Variants in ELP1 observed in about 807,000 individuals in gnomAD.
ELP1 encodes elongator acetyltransferase complex subunit 1, also known as elongator complex protein 1.
Under a neutral mutation model 183.2 loss-of-function variants are expected in ELP1, and 131 were observed. The ratio of observed to expected loss-of-function variants is 0.72; its 90% CI spans 0.62 to 0.83. The LOEUF (loss-of-function observed/expected upper bound fraction) is 0.83. Among genes scored for constraint, ELP1 ranks in the 40% least tolerant of loss-of-function variants. The pLI is 0.00. For synonymous variants in ELP1, 555 were observed against 569.0 expected (o/e 0.98, Z 0.35); for missense variants, 1,550 against 1,594.9 (o/e 0.97, Z 0.48).
rs577449931 is a variant in ELP1, at chr9:108,884,985, G to C, written c.3223-2798C>G. Reference sequence around the variant, plus strand: ...AATCCCAACTACTCTGGAGGCTGAGGGGGGAGGACAGCTTGAATGTAGGAG... The same window carrying C: ...AATCCCAACTACTCTGGAGGCTGAGCGGGGAGGACAGCTTGAATGTAGGAG... On this transcript the variant is annotated intron_variant, in intron 29 of 36. Transcript: ENST00000374647. 3.8e-3 allele frequency among the ~76,000 whole-genome samples: 582 copies of C among 152,174 alleles called. 5 individuals are homozygous for C. Among genetic ancestry groups the C allele is most frequent in the Non-Finnish European group, 5.9e-3 (404 of 67,984 alleles).
chr9:108,911,225 A>G (rs1354468698), intron 11 of ELP1, 45 bp from the exon 12 acceptor site: 2 of 1,572,242 alleles, frequency 1.3e-6, no homozygotes, highest in African/African-American at 2.7e-5. Context: ...GGGATATTCA[A>G]TTTGTAAGAT....
chr9:108,910,026 AT>A (rs1179193178), intron 12 of ELP1, among the ~76,000 whole-genome samples: 1 of 152,198 alleles, frequency 6.6e-6, no homozygotes, highest in African/African-American at 2.4e-5. Context: ...ATATAAAGCT[AT>A]TTTTTAAGTG....
chr9:108,882,116 G>A lies in ELP1; in HGVS notation c.3285+9C>T, dbSNP rs2275495. 0.13 allele frequency: 202,629 copies of A among 1,610,484 alleles called. 15,406 individuals are homozygous for A. The highest frequency in any genetic ancestry group is 0.33 in the African/African-American group (24,838 of 74,798). ...CACCCAACATCCAGAGGATTTACAA[G>A]ATTCTTACCAGCCTCAAAGCTTCTT... is the stretch of plus-strand genomic sequence containing the variant. On this transcript the variant is annotated intron_variant, in intron 30 of 36. Coordinates refer to ENST00000374647, the MANE Select transcript of ELP1 (RefSeq NM_003640.5).
rs1249750363 is a variant in ELP1, at chr9:108,898,595, G to A, written c.2284-14C>T. 1.9e-6 allele frequency: 3 copies of A among 1,606,064 alleles called. No individual in the cohort carries two copies. Among genetic ancestry groups the A allele is most frequent in the Non-Finnish European group, 2.6e-6 (3 of 1,173,268 alleles). On this transcript the variant is annotated splice_polypyrimidine_tract_variant and intron_variant, in intron 21 of 36. Transcript: ENST00000374647. ...TCCAAGAAACACCTACCAAAAAAAG[G>A]ACAAAACATCTTCGTTCAGATCATA...
Position 108,926,600 on chromosome 9 carries a change from T to A in ELP1, c.389A>T (p.Gln130Leu), listed in dbSNP as rs753242604. Residue 130 changes from glutamine (Q) to leucine (L), a missense_variant, in exon 5 of 37, where the codon CAA (glutamine) becomes CTA (leucine). By Grantham distance (113) the Gln-to-Leu change is moderately radical (BLOSUM62 -2). Coordinates refer to ENST00000374647, the MANE Select transcript of ELP1 (RefSeq NM_003640.5). ...DQELVLLATGQQTLIMMTKDF... is the reference protein window; with the variant it reads ...DQELVLLATGLQTLIMMTKDF... ...TTTTGTCATCATAATCAGGGTCTGT[T>A]GACCTTAGAGAAACACAAACAAAAA... The A allele has an allele frequency of 1.9e-6, 3 of 1,611,744 alleles. No individual in the cohort carries two copies. The Admixed American group carries it at 5.0e-5, about 27-fold the overall frequency.
chr9:108,900,976 G>A (rs1309221957), intron 18 of ELP1, among the ~76,000 whole-genome samples: 5 of 150,008 alleles, frequency 3.3e-5, no homozygotes, highest in Admixed American at 6.7e-5. Context: ...ACACATACAC[G>A]CCACACACAC....
At position 108,891,291 on chromosome 9, in the gene ELP1, T is replaced by C. The variant is rs758372070; in HGVS notation, c.3072A>G (p.Thr1024=). The C allele has an allele frequency of 1.5e-5, 24 of 1,614,228 alleles. No individual in the cohort carries two copies. Among genetic ancestry groups the C allele is most frequent in the African/African-American group, 2.7e-5 (2 of 75,064 alleles). The change falls in exon 28 of 37, where the codon ACA becomes ACG. Residue 1024 remains threonine, a synonymous_variant. Transcript: ENST00000374647. ...AHEKALSAFL[T]CGNWKQALCV... ...AGAGGGCTTGCTTCCAGTTGCCACATGTCAGAAAGGCTGAGAGAGCTTTCT... is the reference window on the plus strand; with the variant it reads ...AGAGGGCTTGCTTCCAGTTGCCACACGTCAGAAAGGCTGAGAGAGCTTTCT...
chr9:108,913,585 G>A lies in ELP1; in HGVS notation c.959-1091C>T, dbSNP rs1829314269. Among the ~76,000 whole-genome samples the A allele has an allele frequency of 2.0e-5, 3 of 152,076 alleles. No individual in the cohort carries two copies. The South Asian group carries it at 6.2e-4, about 31-fold the overall frequency. On this transcript the variant is annotated intron_variant, in intron 10 of 36. Coordinates refer to ENST00000374647, the MANE Select transcript of ELP1 (RefSeq NM_003640.5). ...ACAACACTTTGAAGTTAGACCACAT[G>A]CTGATGTTCTGTGAGCACAGATGTT...
At chr9:108,892,513 T>C (rs1828379523) in intron 27 of ELP1, among the ~76,000 whole-genome samples, 1 of 152,164 alleles carries the variant, frequency 6.6e-6, no homozygotes, top group Non-Finnish European at 1.5e-5. Flanking sequence ...GTCCAGCACT[T>C]TGTAGCTCTG....
chr9:108,900,601 C>A (rs1052590872), intron 18 of ELP1, among the ~76,000 whole-genome samples: 1 of 152,332 alleles, frequency 6.6e-6, no homozygotes, highest in Admixed American at 6.5e-5. Context: ...ACATACACAG[C>A]TTCTCAAATG....
intron 31 of ELP1, among the ~76,000 whole-genome samples, chr9:108,880,728 T>C (rs1344086574): frequency 6.6e-6 from 1 of 152,244 alleles, no homozygotes; most frequent in East Asian, 1.9e-4. Flanking sequence ...TCGGCATTTA[T>C]CTAAGAAAGG....
At chr9:108,911,616 A>G (rs908134297) in intron 11 of ELP1, among the ~76,000 whole-genome samples, 9 of 152,234 alleles carry the variant, frequency 5.9e-5, no homozygotes, top group African/African-American at 2.2e-4. Context: ...AATCAGTATT[A>G]TGTAGAATAT....
In ELP1 at chr9:108,878,793, T is replaced by C. The variant is rs1444849026; in HGVS notation, c.3573-43A>G. 3 of 1,609,144 alleles carry C rather than the reference T, an allele frequency of 1.9e-6. No individual in the cohort carries two copies. The South Asian group carries it at 3.3e-5, about 18-fold the overall frequency. The stretch of plus-strand genomic sequence containing the variant: ...GATATTTTTAAGCCTCCTGAGTAGC[T>C]AGGACTACAGGCATGTGCTACCTTG... On this transcript the variant is annotated intron_variant, in intron 33 of 36. Transcript: ENST00000374647.
chr9:108,922,841 C>A lies in ELP1; in HGVS notation c.552+1G>T, dbSNP rs765572951. On this transcript the variant is annotated splice_donor_variant, in intron 6 of 36. Coordinates refer to ENST00000374647, the MANE Select transcript of ELP1 (RefSeq NM_003640.5). LOFTEE classifies it high-confidence loss of function. Reference sequence around the variant, plus strand: ...CTTTTTATCCATCAAACCAAACTTACCATTTGCATCTGAAAAGCTGCTTGT... The same window carrying A: ...CTTTTTATCCATCAAACCAAACTTAACATTTGCATCTGAAAAGCTGCTTGT... 6.2e-7 allele frequency: 1 copy of A among 1,612,076 alleles called. No homozygotes were observed. Among genetic ancestry groups the A allele is most frequent in the Admixed American group, 1.7e-5 (1 of 60,018 alleles).
chr9:108,929,622 A>T, intron 3 of ELP1, 147 bp downstream of exon 3: 1 of 798,104 alleles, frequency 1.3e-6, no homozygotes, highest in Non-Finnish European at 2.0e-6. Context: ...CCATGTTAAC[A>T]ATTTTTTAAA....
chr9:108,891,993 C>G (rs1828356507), intron 27 of ELP1, among the ~76,000 whole-genome samples: 1 of 152,160 alleles, frequency 6.6e-6, no homozygotes, highest in African/African-American at 2.4e-5. Context: ...GAACAGAAAA[C>G]AAGGGCAAAG....
intron 10 of ELP1, among the ~76,000 whole-genome samples, chr9:108,914,064 A>G (rs2793329): frequency 0.57 from 87,051 of 151,928 alleles, 25,201 homozygotes; most frequent in South Asian, 0.7. Flanking sequence ...GTTAAGAACT[A>G]TTGTGTTGAA....
At chr9:108,916,434 C>T in intron 9 of ELP1, 137 bp from the exon 10 acceptor site, 1 of 734,022 alleles carries the variant, frequency 1.4e-6, no homozygotes, top group Non-Finnish European at 2.5e-6. Context: ...CACTAACCTA[C>T]AGAGGCATTA....
chr9:108,899,991 C>T (rs901483632), intron 19 of ELP1, 96 bp from the exon 20 acceptor site: 3 of 976,190 alleles, frequency 3.1e-6, no homozygotes, highest in South Asian at 1.3e-5. Flanking sequence ...AGAGAATTAC[C>T]ACAACTCTCT....
Sources: gnomAD v4.1 joint callset for allele counts (sites outside exome capture counted in the v4.1 genomes callset) on GRCh38, gnomAD v4.1.1 for gene constraint, MANE v1.5 for transcripts, NCBI Gene and HGNC (gene_info 2026-07-23, HGNC 2026-07-21) for gene names.